THADA: variants seen among roughly 807,000 people sequenced by gnomAD.
The protein encoded by THADA is THADA armadillo repeat containing.
THADA carries 213 observed loss-of-function variants against 219.8 expected under a neutral mutation model. That is an observed-to-expected ratio of 0.97 (90% CI 0.87 to 1.09). The LOEUF (loss-of-function observed/expected upper bound fraction) is 1.09, where lower values mean the gene tolerates loss of function less well. THADA is among the 50% of genes least tolerant of loss of function. THADA has a pLI of 0.00. For missense variants in THADA, 2,956 were observed against 2,311.3 expected (o/e 1.28, Z -5.72); for synonymous variants, 1,018 against 828.9 (o/e 1.23, Z -3.92).
chr2:43,502,044 C>T (rs867660991), intron 24 of THADA, among the ~76,000 whole-genome samples: 8 of 152,154 alleles, frequency 5.3e-5, no homozygotes, highest in Middle Eastern at 6.8e-3. Context: ...ACATAACAGA[C>T]GCAGTATAAA....
chr2:43,330,150 G>C (rs1028872968), intron 30 of THADA, among the ~76,000 whole-genome samples: 10 of 152,314 alleles, frequency 6.6e-5, no homozygotes, highest in Admixed American at 2.6e-4. Context: ...TGTGTTTTCT[G>C]GCTAGAGGCT....
chr2:43,265,949 AC>A (rs1671466580), intron 36 of THADA, among the ~76,000 whole-genome samples: 1 of 103,796 alleles, frequency 9.6e-6, no homozygotes, highest in East Asian at 2.5e-4. Context: ...ACACACACAC[AC>A]ACACACACAC....
intron 4 of THADA, among the ~76,000 whole-genome samples, chr2:43,590,199 C>T (rs1184571298): frequency 6.6e-6 from 1 of 151,980 alleles, no homozygotes; most frequent in Non-Finnish European, 1.5e-5. Context: ...AGCCTATATT[C>T]CTGTGTTATC....
chr2:43,351,649 G>A (rs1207756808), intron 29 of THADA, among the ~76,000 whole-genome samples: 3 of 152,184 alleles, frequency 2.0e-5, no homozygotes, highest in African/African-American at 4.8e-5. Flanking sequence ...TTATCTGGCA[G>A]GGAGAGGGGC....
intron 27 of THADA, 123 bp downstream of exon 27, chr2:43,430,090 A>T (rs1679038725): frequency 1.9e-6 from 1 of 514,208 alleles, no homozygotes; most frequent in Admixed American, 4.1e-5. Flanking sequence ...TCAAGGAAAA[A>T]ATTTAAACAA....
At position 43,574,308 on chromosome 2, in the gene THADA, T is replaced by C. The variant is rs752944753; in HGVS notation, c.1729+28A>G. On this transcript the variant is annotated intron_variant, in intron 11 of 37. Transcript: ENST00000405975. ...ACATTTAAGCATCATAATTAGAAAC[T>C]ACTAAAACAAAAATGCATTTTTCTT... is the stretch of plus-strand genomic sequence containing the variant. 12 of 1,457,014 alleles carry C rather than the reference T, an allele frequency of 8.2e-6. No homozygotes were observed. The African/African-American group carries it at 1.6e-4, about 19-fold the overall frequency. The allele number at this position is 1,457,014 out of a possible 1,614,324, so 90.3% of individuals were successfully genotyped here. A position where few individuals can be genotyped will look rare whatever the true frequency, so the allele number is the denominator to read the frequency against.
At chr2:43,487,020 A>G (rs998168477) in intron 25 of THADA, among the ~76,000 whole-genome samples, 11 of 152,182 alleles carry the variant, frequency 7.2e-5, no homozygotes, top group African/African-American at 2.7e-4. Context: ...AAATGCAATA[A>G]AACCCTAAAA....
intron 8 of THADA, among the ~76,000 whole-genome samples, chr2:43,579,346 G>A (rs1208803468): frequency 1.3e-5 from 2 of 152,138 alleles, no homozygotes; most frequent in African/African-American, 4.8e-5. Context: ...TATAAAGAAT[G>A]TAGGTAAGTG....
At chr2:43,499,004 T>C in intron 24 of THADA, 49 bp from the exon 25 acceptor site, 1 of 1,537,382 alleles carries the variant, frequency 6.5e-7, no homozygotes, top group Non-Finnish European at 8.8e-7. Flanking sequence ...CCATGGCTAA[T>C]TCTAAATCTA....
chr2:43,520,668 C>G (rs909299485), intron 22 of THADA, among the ~76,000 whole-genome samples: 4 of 150,248 alleles, frequency 2.7e-5, no homozygotes, highest in African/African-American at 9.9e-5. Context: ...CCAGCCTAGG[C>G]AAAAGAGTAA....
At chr2:43,367,553 A>T (rs1272313044) in intron 29 of THADA, among the ~76,000 whole-genome samples, 1 of 152,240 alleles carries the variant, frequency 6.6e-6, no homozygotes, top group Non-Finnish European at 1.5e-5. Flanking sequence ...TGAGAAATCC[A>T]CTTTGACTTC....
At chr2:43,312,414 T>C (rs1442407644) in intron 31 of THADA, among the ~76,000 whole-genome samples, 1 of 152,184 alleles carries the variant, frequency 6.6e-6, no homozygotes, top group Non-Finnish European at 1.5e-5. Flanking sequence ...CCCTTTTCAC[T>C]AACCAGCTGT....
intron 34 of THADA, among the ~76,000 whole-genome samples, chr2:43,289,114 A>G (rs1173314377): frequency 1.3e-5 from 2 of 152,228 alleles, no homozygotes; most frequent in South Asian, 2.1e-4. Flanking sequence ...AATGTTTTCA[A>G]GGTTCACCCA....
intron 26 of THADA, among the ~76,000 whole-genome samples, chr2:43,446,212 A>G (rs1681516086): frequency 6.6e-6 from 1 of 152,238 alleles, no homozygotes; most frequent in Non-Finnish European, 1.5e-5. Flanking sequence ...TTCAATAATC[A>G]TTTACTAAAC....
At chr2:43,375,369 A>C (rs1423377743) in intron 29 of THADA, among the ~76,000 whole-genome samples, 2 of 152,194 alleles carry the variant, frequency 1.3e-5, no homozygotes, top group African/African-American at 2.4e-5. Context: ...TGGAGCAATA[A>C]ACACTGCAAG....
chr2:43,385,396 G>C (rs1387231553), intron 29 of THADA, among the ~76,000 whole-genome samples: 1 of 152,006 alleles, frequency 6.6e-6, no homozygotes, highest in Admixed American at 6.5e-5. Context: ...CACGAGGTCA[G>C]GAGATCGAGA....
At chr2:43,446,785 T>C (rs1681620926) in intron 26 of THADA, among the ~76,000 whole-genome samples, 3 of 152,198 alleles carry the variant, frequency 2.0e-5, no homozygotes. Flanking sequence ...GAGATGCTGA[T>C]AACAAGGAGC....
intron 29 of THADA, among the ~76,000 whole-genome samples, chr2:43,377,422 C>G (rs763418584): frequency 1.3e-5 from 2 of 151,556 alleles, no homozygotes; most frequent in Non-Finnish European, 2.9e-5. Flanking sequence ...TTAAATATAC[C>G]AAGCTCAATG....
rs1482973173 is a variant in THADA, at chr2:43,398,034, G to C, written c.4164C>G (p.Ser1388=). Residue 1388 remains serine (S), a synonymous_variant, in exon 29 of 38, where the codon TCC becomes TCG. Coordinates refer to ENST00000405975, the MANE Select transcript of THADA (RefSeq NM_022065.5). ...HIPNTIRTLL[S]TLPSCTDQCF... ...ACTGGTCAGTGCAGCTGGGGAGTGT[G>C]GACAACAGAGTTCGAATGGTATTAG... The C allele has an allele frequency of 6.2e-7, 1 of 1,613,958 alleles. No homozygotes were observed. The highest frequency in any genetic ancestry group is 1.7e-5 in the Admixed American group (1 of 60,018).
Sources: allele counts gnomAD v4.1 joint callset (sites outside exome capture counted in the v4.1 genomes callset), GRCh38; gene constraint gnomAD v4.1.1; transcripts MANE v1.5; gene names NCBI Gene and HGNC (gene_info 2026-07-23, HGNC 2026-07-21).